GPC5: variants seen among roughly 807,000 people sequenced by gnomAD.
GPC5 encodes glypican-5.
GPC5 carries 47 observed loss-of-function variants against 53.9 expected under a neutral mutation model. The observed-to-expected ratio is 0.87, with a 90% confidence interval of 0.69 to 1.11. The LOEUF (loss-of-function observed/expected upper bound fraction) is 1.11. GPC5 is among the 50% of genes most tolerant of loss of function. GPC5 has a pLI of 0.00. For synonymous variants in GPC5, 286 were observed against 263.3 expected (o/e 1.09, Z -0.84); for missense variants, 748 against 713.1 (o/e 1.05, Z -0.56).
chr13:92,632,605 A>G (rs914731187), intron 7 of GPC5, among the ~76,000 whole-genome samples: 1 of 151,866 alleles, frequency 6.6e-6, no homozygotes, highest in African/African-American at 2.4e-5. Context: ...ATATGTAATT[A>G]CTAGGACTGT....
intron 6 of GPC5, among the ~76,000 whole-genome samples, chr13:92,135,601 T>A (rs2041777962): frequency 6.6e-6 from 1 of 152,120 alleles, no homozygotes; most frequent in Admixed American, 6.5e-5. Flanking sequence ...AAAGAACAAA[T>A]AACCTCTGGG....
chr13:91,573,058 T>A (rs955893939), intron 2 of GPC5, among the ~76,000 whole-genome samples: 4 of 152,196 alleles, frequency 2.6e-5, no homozygotes, highest in Non-Finnish European at 5.9e-5. Context: ...CCTGTTACTT[T>A]GATTCTTCAG....
intron 3 of GPC5, among the ~76,000 whole-genome samples, chr13:91,725,911 C>T (rs1440548383): frequency 6.6e-6 from 1 of 152,094 alleles, no homozygotes; most frequent in Non-Finnish European, 1.5e-5. Context: ...CACACTGGAT[C>T]GTGATTGCAG....
intron 5 of GPC5, among the ~76,000 whole-genome samples, chr13:91,883,173 G>T (rs116743920): frequency 0.016 from 2,494 of 152,228 alleles, 37 homozygotes; most frequent in African/African-American, 0.041. Flanking sequence ...TGTCTGGAAG[G>T]CAAGGCTCAG....
chr13:92,697,885 A>G (rs1184422371), intron 7 of GPC5, among the ~76,000 whole-genome samples: 2 of 152,136 alleles, frequency 1.3e-5, no homozygotes, highest in African/African-American at 4.8e-5. Context: ...TACCTAGTTT[A>G]TTGAGAGTTT....
At chr13:91,462,214 T>A (rs1001612081) in intron 2 of GPC5, among the ~76,000 whole-genome samples, 9 of 152,136 alleles carry the variant, frequency 5.9e-5, no homozygotes, top group Non-Finnish European at 1.3e-4. Flanking sequence ...CAAATGAGAA[T>A]ATATAGAAGA....
At chr13:91,658,107 T>G (rs2034891686) in intron 2 of GPC5, among the ~76,000 whole-genome samples, 1 of 152,078 alleles carries the variant, frequency 6.6e-6, no homozygotes, top group African/African-American at 2.4e-5. Context: ...TATATACATA[T>G]TTAAGTTTAT....
chr13:92,677,973 C>T (rs1887001709), intron 7 of GPC5, among the ~76,000 whole-genome samples: 1 of 152,176 alleles, frequency 6.6e-6, no homozygotes, highest in East Asian at 1.9e-4. Context: ...CCTGCCAAAG[C>T]TTCCCTCAAT....
chr13:92,074,473 G>T (rs531156227), intron 6 of GPC5, among the ~76,000 whole-genome samples: 32 of 152,258 alleles, frequency 2.1e-4, no homozygotes, highest in Non-Finnish European at 8.8e-5. Context: ...AACACAGAGG[G>T]TATAAGTGTG....
intron 7 of GPC5, among the ~76,000 whole-genome samples, chr13:92,844,542 G>GTT: frequency 6.6e-6 from 1 of 152,030 alleles, no homozygotes; most frequent in East Asian, 1.9e-4. Context: ...AAAAATGTGT[G>GTT]TGTGTGTGTG....
intron 7 of GPC5, among the ~76,000 whole-genome samples, chr13:92,831,866 G>A (rs1395823876): frequency 1.3e-5 from 2 of 152,108 alleles, no homozygotes; most frequent in Non-Finnish European, 2.9e-5. Flanking sequence ...TACAATTTAT[G>A]TGCACAAAGT....
At chr13:92,136,255 T>C (rs2041783360) in intron 6 of GPC5, among the ~76,000 whole-genome samples, 1 of 152,216 alleles carries the variant, frequency 6.6e-6, no homozygotes, top group Non-Finnish European at 1.5e-5. Flanking sequence ...TCCTATTTCA[T>C]ACACATTTCC....
At chr13:92,370,920 G>A (rs1326448668) in intron 7 of GPC5, among the ~76,000 whole-genome samples, 6 of 152,056 alleles carry the variant, frequency 3.9e-5, no homozygotes, top group African/African-American at 7.2e-5. Context: ...AGGCTGAGGC[G>A]GGCAGATCAC....
At chr13:91,538,103 C>A (rs903340706) in intron 2 of GPC5, among the ~76,000 whole-genome samples, 1 of 152,196 alleles carries the variant, frequency 6.6e-6, no homozygotes, top group Non-Finnish European at 1.5e-5. Context: ...ATAAATTCTT[C>A]ATTAAAGTAT....
chr13:92,402,650 T>C (rs1875612365), intron 7 of GPC5, among the ~76,000 whole-genome samples: 1 of 152,156 alleles, frequency 6.6e-6, no homozygotes, highest in Non-Finnish European at 1.5e-5. Context: ...GTTCACAATG[T>C]TTTTGTGTGT....
At chr13:92,617,669 T>C (rs1349439237) in intron 7 of GPC5, among the ~76,000 whole-genome samples, 1 of 152,180 alleles carries the variant, frequency 6.6e-6, no homozygotes, top group African/African-American at 2.4e-5. Context: ...ACTATTGCAT[T>C]AATATTAATG....
At chr13:91,717,108 T>C (rs1179760612) in intron 3 of GPC5, among the ~76,000 whole-genome samples, 1 of 152,076 alleles carries the variant, frequency 6.6e-6, no homozygotes, top group Non-Finnish European at 1.5e-5. Context: ...TTTAATTTCA[T>C]AGGTGATATT....
At chr13:91,465,459 A>G (rs1882177691) in intron 2 of GPC5, among the ~76,000 whole-genome samples, 1 of 151,354 alleles carries the variant, frequency 6.6e-6, no homozygotes, top group African/African-American at 2.4e-5. Flanking sequence ...TAAGTACTAC[A>G]GTTTTTTTTT....
chr13:92,438,433 G>T (rs1322477772), intron 7 of GPC5, among the ~76,000 whole-genome samples: 1 of 150,500 alleles, frequency 6.6e-6, no homozygotes, highest in East Asian at 1.9e-4. Flanking sequence ...TTGAAAGATG[G>T]TCAGCTTAAG....
Sources: allele counts gnomAD v4.1 joint callset (sites outside exome capture counted in the v4.1 genomes callset), GRCh38; gene constraint gnomAD v4.1.1; transcripts MANE v1.5; gene names NCBI Gene and HGNC (gene_info 2026-07-23, HGNC 2026-07-21).